Variants in ABCC2 observed in about 807,000 individuals in gnomAD.
ABCC2 encodes the protein ATP-binding cassette sub-family C member 2.
A neutral mutation model predicts 173.4 loss-of-function variants in ABCC2; 157 were observed. That is an observed-to-expected ratio of 0.91 (90% CI 0.80 to 1.03). The LOEUF is 1.03. Among genes scored for constraint, ABCC2 ranks in the 50% least tolerant of loss-of-function variants. ABCC2 has a pLI of 0.00. For synonymous variants in ABCC2, 657 were observed against 693.5 expected, an observed-to-expected ratio of 0.95 and a Z score of 0.83; for missense variants, 1,822 against 1,852.3, an observed-to-expected ratio of 0.98 and a Z score of 0.30.
chr10:99,803,429 G>C (rs1157957359), intron 9 of ABCC2, among the ~76,000 whole-genome samples: 1 of 152,050 alleles, frequency 6.6e-6, no homozygotes, highest in Non-Finnish European at 1.5e-5. Flanking sequence ...ATACATGCTG[G>C]TTCCCTCCTT....
In ABCC2 at chr10:99,834,455, A is replaced by G. The variant is rs1564696764; in HGVS notation, c.3334A>G (p.Thr1112Ala). Reference protein sequence around the residue: ...WITCFLGIISTLVMICMATPV... With the variant: ...WITCFLGIISALVMICMATPV... ...TACATGCTTCCTGGGGATAATCAGC[A>G]CCCTTGTCATGATCTGCATGGCCAC... Residue 1112 changes from threonine (T) to alanine (A), a missense_variant, in exon 24 of 32, where the codon ACC becomes GCC. Physicochemically the swap from Thr to Ala is moderately conservative, Grantham distance 58. Transcript: ENST00000647814. 6.2e-7 allele frequency: 1 copy of G among 1,614,062 alleles called. No homozygotes were observed. The highest frequency in any genetic ancestry group is 8.5e-7 in the Non-Finnish European group (1 of 1,179,996).
intron 24 of ABCC2, among the ~76,000 whole-genome samples, chr10:99,834,879 G>A (rs552465993): frequency 7.2e-5 from 11 of 152,198 alleles, no homozygotes; most frequent in Non-Finnish European, 1.6e-4. Context: ...CCCCCATGAC[G>A]ATTAGGTCGG....
chr10:99,793,529 C>T, intron 3 of ABCC2, 22 bp from the exon 4 acceptor site: 1 of 1,613,982 alleles, frequency 6.2e-7, no homozygotes, highest in Non-Finnish European at 8.5e-7. Flanking sequence ...TTCTTCAGAA[C>T]ATCATGTGAA....
intron 2 of ABCC2, chr10:99,788,487 C>T (rs1334061751): frequency 6.6e-6 from 1 of 152,072 alleles, no homozygotes; most frequent in African/African-American, 2.4e-5. Flanking sequence ...CAAGAAAAAT[C>T]CTATGAGGGA....
intron 2 of ABCC2, among the ~76,000 whole-genome samples, chr10:99,791,772 T>C (rs990946906): frequency 1.3e-5 from 2 of 152,226 alleles, no homozygotes; most frequent in Non-Finnish European, 2.9e-5. Context: ...CAAAGAGCTA[T>C]TGGAGTGTCC....
At position 99,832,111 on chromosome 10, in the gene ABCC2, A is replaced by G. The variant is rs1375584028; in HGVS notation, c.3238A>G (p.Ile1080Val). ...TTTTGACACAACACCCACAGGCCGG[A>G]TTGTGAACAGGTTTGCCGGCGTAAG... is the stretch of plus-strand genomic sequence containing the variant. ...RFFDTTPTGR[I>V]VNRFAGDIST... Residue 1080 changes from isoleucine to valine, a missense_variant, in exon 23 of 32, where the codon ATT becomes GTT. Ile to Val is a conservative substitution (Grantham distance 29). Coordinates refer to ENST00000647814, the MANE Select transcript of ABCC2 (RefSeq NM_000392.5). 6.2e-7 allele frequency: 1 copy of G among 1,614,206 alleles called. No homozygotes were observed. The highest frequency in any genetic ancestry group is 1.1e-5 in the South Asian group (1 of 91,088).
At chr10:99,802,715 A>G (rs1280992773) in intron 9 of ABCC2, among the ~76,000 whole-genome samples, 5 of 152,218 alleles carry the variant, frequency 3.3e-5, no homozygotes, top group Non-Finnish European at 5.9e-5. Context: ...TAGCCTGTAC[A>G]CTGTCTTTGT....
Position 99,817,493 on chromosome 10 carries a change from G to C in ABCC2, c.2271+9G>C, listed in dbSNP as rs758246739. 6.2e-7 allele frequency: 1 copy of C among 1,614,038 alleles called. No individual in the cohort carries two copies. The highest frequency in any genetic ancestry group is 1.7e-5 in the Admixed American group (1 of 60,014). ...CTGAGATTGGAGAGAAGGTACTTGG[G>C]ATAACAAGGGATCTTCAAGGGTGAA... On this transcript the variant is annotated intron_variant, in intron 17 of 31. Coordinates refer to ENST00000647814, the MANE Select transcript of ABCC2 (RefSeq NM_000392.5).
chr10:99,803,374 C>G (rs1262294110), intron 9 of ABCC2, among the ~76,000 whole-genome samples: 1 of 152,176 alleles, frequency 6.6e-6, no homozygotes, highest in African/African-American at 2.4e-5. Flanking sequence ...AAGAGTATGA[C>G]TCCAAATAAC....
intron 2 of ABCC2, among the ~76,000 whole-genome samples, chr10:99,790,630 C>A (rs1308317650): frequency 1.3e-5 from 2 of 152,134 alleles, no homozygotes; most frequent in Non-Finnish European, 1.5e-5. Context: ...CCTAATTTAC[C>A]TAAAGGCAAC....
In ABCC2 at chr10:99,843,602, C is replaced by T. The variant is rs563783166; in HGVS notation, c.3742-197C>T. Among the ~76,000 whole-genome samples the T allele has an allele frequency of 3.3e-5, 5 of 152,364 alleles. No individual in the cohort carries two copies. The South Asian group carries it at 6.2e-4, about 19-fold the overall frequency. ...CCCTTCGCGTGAGCACCTAATTAGTCTGCAGCCATTCAATGCACTGCTCTT... is the reference window on the plus strand; with the variant it reads ...CCCTTCGCGTGAGCACCTAATTAGTTTGCAGCCATTCAATGCACTGCTCTT... On this transcript the variant is annotated intron_variant, in intron 26 of 31. Coordinates refer to ENST00000647814, the MANE Select transcript of ABCC2 (RefSeq NM_000392.5).
intron 15 of ABCC2, among the ~76,000 whole-genome samples, chr10:99,812,071 A>G (rs1197205489): frequency 6.6e-6 from 1 of 152,234 alleles, no homozygotes; most frequent in African/African-American, 2.4e-5. Context: ...CACCCAATTC[A>G]TCCACTGAGC....
At chr10:99,795,286 T>A (rs2037879815) in intron 6 of ABCC2, among the ~76,000 whole-genome samples, 2 of 152,216 alleles carry the variant, frequency 1.3e-5, no homozygotes, top group South Asian at 4.1e-4. Flanking sequence ...AAAACAAATG[T>A]GTGATTTAGT....
intron 5 of ABCC2, 59 bp downstream of exon 5, chr10:99,794,058 T>C: frequency 6.8e-7 from 1 of 1,474,428 alleles, no homozygotes; most frequent in Non-Finnish European, 9.4e-7. Flanking sequence ...TCTTAATGAA[T>C]ATAACTTTAA....
intron 2 of ABCC2, among the ~76,000 whole-genome samples, chr10:99,785,890 A>C (rs1254271583): frequency 6.6e-6 from 1 of 152,116 alleles, no homozygotes; most frequent in Non-Finnish European, 1.5e-5. Flanking sequence ...AGCATACCTA[A>C]CAATGACTCA....
Position 99,811,616 on chromosome 10 carries a change from T to C in ABCC2, c.1967+14T>C. ...CACAGTCCGAGAGTGAGTTGCCTTC[T>C]TTCCATCCTAATGTTCTTTAGCATT... On this transcript the variant is annotated intron_variant, in intron 15 of 31. Coordinates refer to ENST00000647814, the MANE Select transcript of ABCC2 (RefSeq NM_000392.5). The C allele has an allele frequency of 6.2e-7, 1 of 1,613,992 alleles. No homozygotes were observed. The highest frequency in any genetic ancestry group is 8.5e-7 in the Non-Finnish European group (1 of 1,179,846).
At chr10:99,792,202 T>G in intron 2 of ABCC2, 32 bp from the exon 3 acceptor site, 1 of 1,613,328 alleles carries the variant, frequency 6.2e-7, no homozygotes, top group Non-Finnish European at 8.5e-7. Flanking sequence ...AAGAATGATA[T>G]CCTCTTAACA....
intron 19 of ABCC2, among the ~76,000 whole-genome samples, chr10:99,823,064 T>C (rs575248334): frequency 6.6e-6 from 1 of 152,124 alleles, no homozygotes; most frequent in Non-Finnish European, 1.5e-5. Flanking sequence ...GAACATATGA[T>C]AATTTTCCAA....
intron 3 of ABCC2, 112 bp from the exon 4 acceptor site, chr10:99,793,439 G>A (rs1173768429): frequency 4.0e-6 from 6 of 1,499,830 alleles, no homozygotes; most frequent in Middle Eastern, 2.3e-4. Context: ...GATTAGTCAC[G>A]ACAGTCTCCT....
Sources: gnomAD v4.1 joint callset for allele counts (sites outside exome capture counted in the v4.1 genomes callset) on GRCh38, gnomAD v4.1.1 for gene constraint, MANE v1.5 for transcripts, NCBI Gene and HGNC (gene_info 2026-07-23, HGNC 2026-07-21) for gene names.